Variants in TMEM132D observed in about 807,000 individuals in gnomAD.
The protein encoded by TMEM132D is transmembrane protein 132D.
Under a neutral mutation model 62.3 loss-of-function variants are expected in TMEM132D, and 21 were observed. The observed-to-expected ratio is 0.34, with a 90% CI of 0.24 to 0.49. The LOEUF (loss-of-function observed/expected upper bound fraction) is 0.49. TMEM132D is among the 20% of genes least tolerant of loss of function. The pLI is 0.99. For missense variants in TMEM132D, 1,346 were observed against 1,402.8 expected, an observed-to-expected ratio of 0.96 and a Z score of 0.65; for synonymous variants, 621 against 575.6, an observed-to-expected ratio of 1.08 and a Z score of -1.13.
At chr12:129,403,930 T>C (rs113595907) in intron 3 of TMEM132D, among the ~76,000 whole-genome samples, 1,609 of 152,066 alleles carry the variant, frequency 0.011, 34 homozygotes, top group African/African-American at 0.036. Context: ...GGCCTTGAGG[T>C]TGGCATGTGC....
intron 3 of TMEM132D, chr12:129,522,704 T>G (rs1432290640): frequency 1.3e-5 from 2 of 152,062 alleles, no homozygotes; most frequent in Admixed American, 6.6e-5. Flanking sequence ...TTGTTGACAA[T>G]GAACACCCAT....
chr12:129,087,833 G>C (rs527495312), intron 5 of TMEM132D, among the ~76,000 whole-genome samples: 37 of 151,300 alleles, frequency 2.4e-4, no homozygotes, highest in Admixed American at 4.6e-4. Flanking sequence ...AGGAGGGGGA[G>C]AATGACACAC....
At chr12:129,415,766 C>T (rs1443062988) in intron 3 of TMEM132D, among the ~76,000 whole-genome samples, 1 of 152,200 alleles carries the variant, frequency 6.6e-6, no homozygotes, top group Non-Finnish European at 1.5e-5. Flanking sequence ...GCAAACAATG[C>T]CCATCCTTAA....
intron 3 of TMEM132D, among the ~76,000 whole-genome samples, chr12:129,512,605 T>C (rs1875527438): frequency 6.6e-6 from 1 of 152,198 alleles, no homozygotes; most frequent in Non-Finnish European, 1.5e-5. Flanking sequence ...AGCTGGATTG[T>C]TTTAGCTCAT....
intron 2 of TMEM132D, among the ~76,000 whole-genome samples, chr12:129,576,943 T>C (rs1877679831): frequency 6.6e-6 from 1 of 151,864 alleles, no homozygotes; most frequent in African/African-American, 2.4e-5. Flanking sequence ...CAAGATGAAT[T>C]GTCTGTCTGA....
At chr12:129,319,128 G>A (rs1000314476) in intron 4 of TMEM132D, among the ~76,000 whole-genome samples, 2 of 152,106 alleles carry the variant, frequency 1.3e-5, no homozygotes, top group African/African-American at 4.8e-5. Context: ...GAGGCTTCTC[G>A]CCCCATTCAA....
At chr12:129,168,832 T>G (rs1877636773) in intron 5 of TMEM132D, among the ~76,000 whole-genome samples, 1 of 152,110 alleles carries the variant, frequency 6.6e-6, no homozygotes, top group Admixed American at 6.5e-5. Flanking sequence ...CACCCTTGGT[T>G]GAGAACCGCT....
intron 1 of TMEM132D, among the ~76,000 whole-genome samples, chr12:129,899,213 GCAGA>G (rs760233229): frequency 2.2e-5 from 3 of 134,484 alleles, no homozygotes; most frequent in African/African-American, 3.3e-5. Flanking sequence ...GGATGGATGG[GCAGA>G]CAGACAGATG....
At chr12:129,373,618 C>T (rs918798339) in intron 3 of TMEM132D, among the ~76,000 whole-genome samples, 9 of 151,718 alleles carry the variant, frequency 5.9e-5, no homozygotes, top group East Asian at 1.9e-4. Flanking sequence ...GGCAACAGAG[C>T]GAGACTTGTC....
At chr12:129,343,864 G>T (rs1309367376) in intron 3 of TMEM132D, among the ~76,000 whole-genome samples, 1 of 152,154 alleles carries the variant, frequency 6.6e-6, no homozygotes, top group African/African-American at 2.4e-5. Flanking sequence ...ACAGGAGGCA[G>T]AGGTTGCAGT....
At chr12:129,173,201 C>T (rs1000286303) in intron 5 of TMEM132D, among the ~76,000 whole-genome samples, 9 of 152,170 alleles carry the variant, frequency 5.9e-5, no homozygotes, top group East Asian at 1.9e-4. Context: ...ACAGAGTTGC[C>T]GTGAACCTTC....
intron 2 of TMEM132D, among the ~76,000 whole-genome samples, chr12:129,620,704 A>G (rs1337315156): frequency 2.0e-5 from 3 of 152,228 alleles, no homozygotes; most frequent in Non-Finnish European, 4.4e-5. Flanking sequence ...CACCGTCCTC[A>G]GCAAACTAAT....
At chr12:129,438,169 C>A (rs1385195228) in intron 3 of TMEM132D, among the ~76,000 whole-genome samples, 1 of 152,144 alleles carries the variant, frequency 6.6e-6, no homozygotes, top group Non-Finnish European at 1.5e-5. Context: ...GGTTCCAAGT[C>A]TTTGCTATTG....
chr12:129,728,759 G>A (rs560597589), intron 1 of TMEM132D, among the ~76,000 whole-genome samples: 3 of 152,278 alleles, frequency 2.0e-5, no homozygotes, highest in East Asian at 3.9e-4. Context: ...AGGGAGAAAC[G>A]CAGCCCTGGT....
At chr12:129,117,857 T>G (rs530900122) in intron 5 of TMEM132D, among the ~76,000 whole-genome samples, 1 of 152,230 alleles carries the variant, frequency 6.6e-6, no homozygotes, top group African/African-American at 2.4e-5. Context: ...ACTGGAGACT[T>G]TGTTTTCCAT....
chr12:129,245,709 G>A (rs1444154989), intron 4 of TMEM132D, among the ~76,000 whole-genome samples: 1 of 152,082 alleles, frequency 6.6e-6, no homozygotes, highest in South Asian at 2.1e-4. Flanking sequence ...CCAGCACCGT[G>A]GTGGCTAAAA....
At chr12:129,794,056 A>AT (rs965640515) in intron 1 of TMEM132D, among the ~76,000 whole-genome samples, 29 of 146,692 alleles carry the variant, frequency 2.0e-4, no homozygotes, top group South Asian at 6.5e-4. Flanking sequence ...ATACTGCAGT[A>AT]TTTTTTTTTA....
intron 8 of TMEM132D, among the ~76,000 whole-genome samples, chr12:129,077,497 CT>C (rs1163771326): frequency 3.9e-5 from 6 of 151,976 alleles, no homozygotes; most frequent in Non-Finnish European, 8.8e-5. Context: ...CAAAGGTCCC[CT>C]ATAACAGTCC....
intron 2 of TMEM132D, among the ~76,000 whole-genome samples, chr12:129,552,340 T>A (rs1876921924): frequency 1.3e-5 from 2 of 152,208 alleles, no homozygotes; most frequent in African/African-American, 2.4e-5. Flanking sequence ...GCTACCTATC[T>A]ACTTATTATC....
Sources: allele counts gnomAD v4.1 joint callset (sites outside exome capture counted in the v4.1 genomes callset), GRCh38; gene constraint gnomAD v4.1.1; transcripts MANE v1.5; gene names NCBI Gene and HGNC (gene_info 2026-07-23, HGNC 2026-07-21).